OR51B5: variants seen among roughly 807,000 people sequenced by gnomAD.
OR51B5 encodes olfactory receptor family 51 subfamily B member 5, also known as olfactory receptor 51B5.
For synonymous variants in OR51B5, 186 were observed against 144.8 expected, an observed-to-expected ratio of 1.28 and a Z score of -2.04; for missense variants, 456 against 374.6, an observed-to-expected ratio of 1.22 and a Z score of -1.79.
At chr11:5,388,719 T>G (rs1012983204) in intron 1 of OR51B5, among the ~76,000 whole-genome samples, 1 of 151,968 alleles carries the variant, frequency 6.6e-6, no homozygotes, top group African/African-American at 2.4e-5. Context: ...TGTATACGTC[T>G]CTCTTGCTAT....
intron 1 of OR51B5, among the ~76,000 whole-genome samples, chr11:5,476,697 T>C (rs1037258914): frequency 1.3e-5 from 2 of 152,224 alleles, no homozygotes; most frequent in African/African-American, 2.4e-5. Flanking sequence ...ATTCAGACTA[T>C]GTGAGTTTCA....
intron 1 of OR51B5, among the ~76,000 whole-genome samples, chr11:5,500,453 T>A (rs1223035504): frequency 2.5e-5 from 3 of 121,478 alleles, no homozygotes; most frequent in Non-Finnish European, 4.0e-5. Context: ...CAAAATGGAG[T>A]CATTCATGTC....
At chr11:5,405,708 G>C (rs1336555138) in intron 1 of OR51B5, among the ~76,000 whole-genome samples, 4 of 152,162 alleles carry the variant, frequency 2.6e-5, no homozygotes, top group African/African-American at 9.7e-5. Context: ...GCATTGTAAA[G>C]ATGTCAATAA....
At chr11:5,468,925 C>G (rs7925620) in intron 1 of OR51B5, 216,573 of 358,866 alleles carry the variant, frequency 0.6, 66,518 homozygotes, top group South Asian at 0.67. Context: ...AAGGCAGTCT[C>G]TTCAGGAGGA....
intron 1 of OR51B5, among the ~76,000 whole-genome samples, chr11:5,470,318 C>A (rs1243833948): frequency 1.1e-4 from 17 of 152,194 alleles, no homozygotes; most frequent in Admixed American, 1.1e-3. Flanking sequence ...CCCCGAGGAT[C>A]AATTTTGGGA....
intron 1 of OR51B5, among the ~76,000 whole-genome samples, chr11:5,478,709 A>G (rs1851360459): frequency 6.6e-6 from 1 of 151,748 alleles, no homozygotes; most frequent in Admixed American, 6.6e-5. Context: ...AACTACGTGA[A>G]GAATGCAGAA....
intron 1 of OR51B5, among the ~76,000 whole-genome samples, chr11:5,368,216 GCTT>G (rs1297632827): frequency 6.6e-6 from 1 of 152,122 alleles, no homozygotes; most frequent in Non-Finnish European, 1.5e-5. Flanking sequence ...ATTGTTTCAT[GCTT>G]CTTCATACAG....
chr11:5,478,990 A>C (rs4910804), intron 1 of OR51B5, among the ~76,000 whole-genome samples: 140,899 of 151,876 alleles, frequency 0.93, 65,651 homozygotes, highest in South Asian at 0.99. Context: ...GTCAACGTTC[A>C]GATTCAGGAA....
intron 1 of OR51B5, among the ~76,000 whole-genome samples, chr11:5,410,912 T>G (rs901328108): frequency 3.3e-5 from 5 of 150,052 alleles, no homozygotes; most frequent in African/African-American, 1.2e-4. Flanking sequence ...AAAATATTTC[T>G]GTACCACTGT....
chr11:5,493,365 A>C (rs1851605334), intron 1 of OR51B5, among the ~76,000 whole-genome samples: 1 of 152,168 alleles, frequency 6.6e-6, no homozygotes, highest in Non-Finnish European at 1.5e-5. Context: ...AAAAGTCATC[A>C]TCATGTTCCC....
chr11:5,503,437 A>T (rs1466282935), intron 1 of OR51B5, among the ~76,000 whole-genome samples: 3 of 152,232 alleles, frequency 2.0e-5, no homozygotes, highest in African/African-American at 7.2e-5. Flanking sequence ...AAAGAAATAA[A>T]GTTTAAATAG....
At chr11:5,468,684 G>C in intron 1 of OR51B5, 1 of 456,588 alleles carries the variant, frequency 2.2e-6, no homozygotes, top group South Asian at 1.5e-5. Flanking sequence ...GCATAGATAT[G>C]TGACACACAT....
At chr11:5,431,180 G>A (rs548875956) in intron 1 of OR51B5, 11 of 368,756 alleles carry the variant, frequency 3.0e-5, no homozygotes, top group Middle Eastern at 4.1e-4. Flanking sequence ...CAGATAATAC[G>A]GGGCAGGGTC....
chr11:5,410,330 G>C (rs1216940618), intron 1 of OR51B5, among the ~76,000 whole-genome samples: 2 of 152,072 alleles, frequency 1.3e-5, no homozygotes, highest in Non-Finnish European at 2.9e-5. Flanking sequence ...TATCATTTGA[G>C]TTTTTAAAGT....
At position 5,415,269 on chromosome 11, in the gene OR51B5, C is replaced by A. The variant is rs1850223008; in HGVS notation, n.85-68359G>T. Among the ~76,000 whole-genome samples, 6 of 150,442 alleles carry A rather than the reference C, an allele frequency of 4.0e-5. No individual in the cohort carries two copies. The South Asian group carries it at 1.3e-3, about 32-fold the overall frequency. On this transcript the variant is annotated intron_variant and non_coding_transcript_variant, in intron 1 of 4. Transcript: ENST00000415970. Reference sequence around the variant, plus strand: ...CATACCAGAATCTCTGGGACACATTCAAAGCAGTGTGTAGAGGGAAATTTA... The same window carrying A: ...CATACCAGAATCTCTGGGACACATTAAAAGCAGTGTGTAGAGGGAAATTTA...
chr11:5,498,407 T>C (rs988793802), intron 1 of OR51B5, among the ~76,000 whole-genome samples: 1 of 152,170 alleles, frequency 6.6e-6, no homozygotes, highest in South Asian at 2.1e-4. Context: ...ACACTTAATC[T>C]TAATCTTAAG....
intron 1 of OR51B5, among the ~76,000 whole-genome samples, chr11:5,365,453 A>G (rs1332017024): frequency 6.6e-6 from 1 of 152,192 alleles, no homozygotes; most frequent in Non-Finnish European, 1.5e-5. Context: ...ATGCATTTAG[A>G]TGAAAAGGTA....
chr11:5,418,921 G>A (rs1216300226), intron 1 of OR51B5, among the ~76,000 whole-genome samples: 2 of 147,408 alleles, frequency 1.4e-5, no homozygotes, highest in African/African-American at 2.5e-5. Context: ...AAGTTCCTGA[G>A]ACACCACAGT....
intron 1 of OR51B5, among the ~76,000 whole-genome samples, chr11:5,502,345 A>C (rs1404011522): frequency 2.6e-5 from 4 of 152,012 alleles, no homozygotes; most frequent in Non-Finnish European, 5.9e-5. Context: ...GCCTTGTTTA[A>C]ATTTTTCCAT....
Sources: gnomAD v4.1 joint callset for allele counts (sites outside exome capture counted in the v4.1 genomes callset) on GRCh38, gnomAD v4.1.1 for gene constraint, MANE v1.5 for transcripts, NCBI Gene and HGNC (gene_info 2026-07-23, HGNC 2026-07-21) for gene names.